Variants in MARCHF1 observed in about 807,000 individuals in gnomAD.
MARCHF1 encodes E3 ubiquitin-protein ligase MARCHF1.
A neutral mutation model predicts 54.2 loss-of-function variants in MARCHF1; 40 were observed. The observed-to-expected ratio is 0.74, with a 90% CI of 0.57 to 0.96. The LOEUF is 0.96. Among genes scored for constraint, MARCHF1 ranks in the 40% least tolerant of loss-of-function variants. The pLI is 0.00. For missense variants in MARCHF1, 586 were observed against 656.5 expected (o/e 0.89, Z 1.17); for synonymous variants, 236 against 236.3 (o/e 1.00, Z 0.01).
chr4:164,105,767 G>T (rs1287807348), intron 2 of MARCHF1, among the ~76,000 whole-genome samples: 1 of 117,570 alleles, frequency 8.5e-6, no homozygotes, highest in Non-Finnish European at 1.8e-5. Flanking sequence ...TGACAAATGG[G>T]ATCTAATTAA....
At chr4:164,244,442 G>A (rs1646393660) in intron 1 of MARCHF1, among the ~76,000 whole-genome samples, 1 of 150,122 alleles carries the variant, frequency 6.7e-6, no homozygotes, top group East Asian at 2.0e-4. Flanking sequence ...AGAATCTCTG[G>A]GACGCATTCA....
At chr4:164,276,019 A>G (rs1733872448) in intron 1 of MARCHF1, among the ~76,000 whole-genome samples, 1 of 152,166 alleles carries the variant, frequency 6.6e-6, no homozygotes, top group Non-Finnish European at 1.5e-5. Flanking sequence ...TAAACATGCC[A>G]CCATAGTCTG....
chr4:163,819,383 A>G (rs1210415798), intron 4 of MARCHF1, among the ~76,000 whole-genome samples: 1 of 152,086 alleles, frequency 6.6e-6, no homozygotes, highest in Admixed American at 6.6e-5. Context: ...GAATGAAACC[A>G]TTGCACATCT....
At chr4:163,701,817 A>G (rs144051291) in intron 4 of MARCHF1, among the ~76,000 whole-genome samples, 76 of 149,506 alleles carry the variant, frequency 5.1e-4, no homozygotes, top group African/African-American at 1.8e-3. Context: ...GAAATAATTT[A>G]CCAATGTAAG....
intron 3 of MARCHF1, among the ~76,000 whole-genome samples, chr4:163,934,242 TA>T (rs1560825922): frequency 6.6e-6 from 1 of 152,092 alleles, no homozygotes; most frequent in Non-Finnish European, 1.5e-5. Flanking sequence ...CAGAGCAACA[TA>T]AAATACAATT....
At chr4:164,198,163 T>A (rs1020284358) in intron 1 of MARCHF1, among the ~76,000 whole-genome samples, 1 of 152,116 alleles carries the variant, frequency 6.6e-6, no homozygotes, top group Non-Finnish European at 1.5e-5. Flanking sequence ...AAAGACATAT[T>A]TTGGTGAGAT....
At chr4:164,161,995 A>T (rs547846747) in intron 1 of MARCHF1, among the ~76,000 whole-genome samples, 131 of 152,290 alleles carry the variant, frequency 8.6e-4, no homozygotes, top group Middle Eastern at 3.4e-3. Flanking sequence ...TCCAAGGCAT[A>T]TAATCTCACA....
At chr4:163,963,489 C>A (rs911759142) in intron 3 of MARCHF1, among the ~76,000 whole-genome samples, 2 of 151,832 alleles carry the variant, frequency 1.3e-5, no homozygotes, top group Non-Finnish European at 2.9e-5. Flanking sequence ...AAAGGTGAAG[C>A]TAATGTAAGA....
chr4:163,658,840 T>C (rs1018333277), intron 5 of MARCHF1, among the ~76,000 whole-genome samples: 1 of 151,870 alleles, frequency 6.6e-6, no homozygotes, highest in Non-Finnish European at 1.5e-5. Context: ...AACTAATGTG[T>C]GCTGGGCTTA....
In MARCHF1 at chr4:163,916,752, C is replaced by A. The variant is rs999007846; in HGVS notation, c.-38-62583G>T. ...AGAAGATACAGAAATTTTCCATATT[C>A]TCCCTACCCCCACAGATGTACAGCC... On this transcript the variant is annotated intron_variant, in intron 3 of 9. Transcript: ENST00000514618. 2.0e-5 allele frequency among the ~76,000 whole-genome samples: 3 copies of A among 152,080 alleles called. No individual in the cohort carries two copies. In the East Asian group the frequency reaches 5.8e-4, roughly 29 times the overall value.
intron 1 of MARCHF1, among the ~76,000 whole-genome samples, chr4:164,377,657 G>C (rs1178723896): frequency 6.6e-6 from 1 of 151,820 alleles, no homozygotes; most frequent in Non-Finnish European, 1.5e-5. Context: ...GTGTGTATTA[G>C]TCCTAAAAGA....
intron 1 of MARCHF1, among the ~76,000 whole-genome samples, chr4:164,351,556 C>A (rs1050536937): frequency 1.1e-4 from 17 of 152,160 alleles, no homozygotes; most frequent in African/African-American, 3.6e-4. Context: ...ACAGTCCTGT[C>A]TGTTAGAAGG....
At chr4:164,005,637 G>A (rs532196828) in intron 2 of MARCHF1, among the ~76,000 whole-genome samples, 19 of 152,194 alleles carry the variant, frequency 1.2e-4, no homozygotes, top group Admixed American at 9.2e-4. Context: ...TTACCTCATG[G>A]GAAAATTCAT....
chr4:163,844,717 C>T (rs1749436726), intron 4 of MARCHF1, among the ~76,000 whole-genome samples: 1 of 152,034 alleles, frequency 6.6e-6, no homozygotes, highest in Admixed American at 6.6e-5. Flanking sequence ...TTCATTTATT[C>T]CTATTTTGTT....
chr4:163,905,617 C>G (rs905707986), intron 3 of MARCHF1, among the ~76,000 whole-genome samples: 1 of 152,028 alleles, frequency 6.6e-6, no homozygotes, highest in Non-Finnish European at 1.5e-5. Flanking sequence ...TCCAAATCCT[C>G]GAAGATATTG....
intron 4 of MARCHF1, among the ~76,000 whole-genome samples, chr4:163,804,085 A>T (rs1365926955): frequency 6.6e-6 from 1 of 152,250 alleles, no homozygotes; most frequent in African/African-American, 2.4e-5. Context: ...TGAGTCAAAT[A>T]GATCACAGTG....
intron 5 of MARCHF1, among the ~76,000 whole-genome samples, chr4:163,696,537 G>A (rs1352876776): frequency 6.6e-6 from 1 of 152,086 alleles, no homozygotes; most frequent in Admixed American, 6.5e-5. Context: ...CTTCACATGA[G>A]CTGTCAAACT....
At chr4:163,683,016 G>T (rs995522539) in intron 5 of MARCHF1, among the ~76,000 whole-genome samples, 1 of 152,166 alleles carries the variant, frequency 6.6e-6, no homozygotes, top group Admixed American at 6.5e-5. Flanking sequence ...AGTATATTTT[G>T]ATAATTTTTT....
chr4:164,000,604 GT>G (rs998878595), intron 2 of MARCHF1, among the ~76,000 whole-genome samples: 3 of 151,628 alleles, frequency 2.0e-5, no homozygotes, highest in African/African-American at 7.3e-5. Context: ...CAATTACTAA[GT>G]TAGATAGAAT....
Sources: allele counts gnomAD v4.1 joint callset (sites outside exome capture counted in the v4.1 genomes callset), GRCh38; gene constraint gnomAD v4.1.1; transcripts MANE v1.5; gene names NCBI Gene and HGNC (gene_info 2026-07-23, HGNC 2026-07-21).